Variants in STK10 observed in about 807,000 individuals in gnomAD.
STK10 encodes serine/threonine kinase 10, also known as serine/threonine-protein kinase 10.
In STK10, 78 loss-of-function variants were observed where a neutral mutation model predicts 113.8. That is an observed-to-expected ratio of 0.69 (90% CI 0.57 to 0.83). The LOEUF (loss-of-function observed/expected upper bound fraction) is 0.83, where lower values mean the gene tolerates loss of function less well. STK10 is among the 40% of genes least tolerant of loss of function. The pLI is 0.00. For missense variants in STK10, 1,109 were observed against 1,280.1 expected, an observed-to-expected ratio of 0.87 and a Z score of 2.04; for synonymous variants, 465 against 494.7, an observed-to-expected ratio of 0.94 and a Z score of 0.80.
chr5:172,048,616 C>G (rs555801888), intron 18 of STK10, among the ~76,000 whole-genome samples: 31 of 109,526 alleles, frequency 2.8e-4, no homozygotes, highest in African/African-American at 2.2e-3. Context: ...CTGATACCAT[C>G]CTAGTTCAAG....
intron 4 of STK10, 34 bp downstream of exon 4, chr5:172,117,447 T>C: frequency 6.2e-7 from 1 of 1,605,724 alleles, no homozygotes. Flanking sequence ...GCAGACACCC[T>C]GTGGCTCCAC....
chr5:172,156,838 T>G (rs753041068), intron 1 of STK10, 50 bp from the exon 2 acceptor site: 3 of 1,578,080 alleles, frequency 1.9e-6, no homozygotes, highest in Non-Finnish European at 2.6e-6. Flanking sequence ...CGCAGGAAAC[T>G]GACCTTTGGA....
At chr5:172,121,282 C>T (rs542048540) in intron 3 of STK10, among the ~76,000 whole-genome samples, 2 of 152,054 alleles carry the variant, frequency 1.3e-5, no homozygotes, top group East Asian at 1.9e-4. Flanking sequence ...CCACCCGCCT[C>T]GGCCTCCCAA....
rs186866664 is a variant in STK10, at chr5:172,187,251, G to A, written c.156+636C>T. On this transcript the variant is annotated intron_variant, in intron 1 of 18. Transcript: ENST00000176763. This position sits in a 1 kb window ranked among gnomAD's most constrained non-coding sequence, Gnocchi z 4.6. ...TGGGAGACTCCCCAGCTGTGACTCA[G>A]ACCGACGGAATCAAATCTGTTCCCC... Among the ~76,000 whole-genome samples, 74 of 152,192 alleles carry A rather than the reference G, an allele frequency of 4.9e-4. No homozygotes were observed. The highest frequency in any genetic ancestry group is 9.9e-4 in the Non-Finnish European group (67 of 68,014).
intron 2 of STK10, among the ~76,000 whole-genome samples, chr5:172,142,098 C>A (rs1769984803): frequency 6.6e-6 from 1 of 152,212 alleles, no homozygotes; most frequent in South Asian, 2.1e-4. Context: ...GGATGGTTAT[C>A]TCCACCTGCT....
intron 12 of STK10, 120 bp from the exon 13 acceptor site, chr5:172,064,932 G>T: frequency 1.9e-6 from 2 of 1,077,540 alleles, no homozygotes; most frequent in Non-Finnish European, 2.7e-6. Context: ...GCTTTGCAGC[G>T]GCCAGCACCC....
chr5:172,066,285 A>G (rs1031299920), intron 12 of STK10, among the ~76,000 whole-genome samples: 2 of 152,158 alleles, frequency 1.3e-5, no homozygotes, highest in East Asian at 3.8e-4. Flanking sequence ...AGGGGAGTCA[A>G]AACTTGCAGA....
intron 12 of STK10, among the ~76,000 whole-genome samples, chr5:172,068,078 C>T (rs529779125): frequency 6.6e-5 from 10 of 152,330 alleles, no homozygotes; most frequent in Admixed American, 3.9e-4. Context: ...CGGTGGCTCA[C>T]GCCTGTAATC....
Position 172,120,233 on chromosome 5 carries a change from C to T in STK10, c.371-2603G>A, listed in dbSNP as rs1303238855. On this transcript the variant is annotated intron_variant, in intron 3 of 18. Coordinates refer to ENST00000176763, the MANE Select transcript of STK10 (RefSeq NM_005990.4). This position sits in a 1 kb window ranked among gnomAD's most constrained non-coding sequence, Gnocchi z 4.0. ...GCCTGGTCACCAAAGGGCACTGCTCCGAGTCTTCCCTCTGCCTACAACAGC... is the reference window on the plus strand; with the variant it reads ...GCCTGGTCACCAAAGGGCACTGCTCTGAGTCTTCCCTCTGCCTACAACAGC... 4.6e-5 allele frequency among the ~76,000 whole-genome samples: 7 copies of T among 152,156 alleles called. No homozygotes were observed. Among genetic ancestry groups the T allele is most frequent in the African/African-American group, 7.2e-5 (3 of 41,428 alleles).
At chr5:172,073,297 T>C (rs866762842) in intron 12 of STK10, among the ~76,000 whole-genome samples, 1 of 152,088 alleles carries the variant, frequency 6.6e-6, no homozygotes, top group Non-Finnish European at 1.5e-5. Flanking sequence ...GGATTACAGA[T>C]GCACACCACC....
At chr5:172,159,997 G>A (rs1168833472) in intron 1 of STK10, among the ~76,000 whole-genome samples, 3 of 151,532 alleles carry the variant, frequency 2.0e-5, no homozygotes, top group South Asian at 2.1e-4. Context: ...TTAGCTGGGC[G>A]TGGTGGCAGA....
Position 172,182,550 on chromosome 5 carries a change from A to ATT in STK10, c.156+5335_156+5336dup, listed in dbSNP as rs774193068. On this transcript the variant is annotated intron_variant, in intron 1 of 18. Transcript: ENST00000176763. ...GGGCGCATGTCACCATGCCCAGCTCATTTTTTTTTTTTTTTTTTTTGAGAC... is the reference window on the plus strand; with the variant it reads ...GGGCGCATGTCACCATGCCCAGCTCATTTTTTTTTTTTTTTTTTTTTTGAGAC... Among the ~76,000 whole-genome samples, 458 of 107,474 alleles carry ATT rather than the reference A, an allele frequency of 4.3e-3. 6 individuals carry two copies. The highest frequency in any genetic ancestry group is 0.016 in the African/African-American group (416 of 26,058). The allele number at this position is 107,474 out of a possible 152,430, so 70.5% of individuals were successfully genotyped here.
At chr5:172,088,478 A>T (rs4283806) in intron 10 of STK10, among the ~76,000 whole-genome samples, 1 of 152,012 alleles carries the variant, frequency 6.6e-6, no homozygotes, top group African/African-American at 2.4e-5. Flanking sequence ...GAACCAAGAT[A>T]GCACCACTGC....
In STK10 at chr5:172,187,589, C is replaced by T. The variant is rs1478251124; in HGVS notation, c.156+298G>A. Among the ~76,000 whole-genome samples the T allele has an allele frequency of 6.6e-6, 1 of 152,244 alleles. No homozygotes were observed. Among genetic ancestry groups the T allele is most frequent in the Non-Finnish European group, 1.5e-5 (1 of 68,036 alleles). On this transcript the variant is annotated intron_variant, in intron 1 of 18. Transcript: ENST00000176763. This position sits in a 1 kb window ranked among gnomAD's most constrained non-coding sequence, Gnocchi z 4.6. The stretch of plus-strand genomic sequence containing the variant: ...CGGATGCTGAGGTCCTGTCAACGCC[C>T]CTTTGTCTCCCCGTGCGGCGCCGAG...
intron 1 of STK10, among the ~76,000 whole-genome samples, chr5:172,161,674 C>T (rs1469367713): frequency 6.6e-6 from 1 of 152,174 alleles, no homozygotes; most frequent in African/African-American, 2.4e-5. Flanking sequence ...CTGCATGCAG[C>T]ACTAGGCAGT....
intron 2 of STK10, among the ~76,000 whole-genome samples, chr5:172,139,267 G>T (rs922651035): frequency 6.6e-6 from 1 of 152,050 alleles, no homozygotes; most frequent in Admixed American, 6.6e-5. Context: ...GGTGAAGGTC[G>T]CACACTTCCA....
intron 2 of STK10, among the ~76,000 whole-genome samples, chr5:172,150,955 A>G (rs1375296837): frequency 1.3e-5 from 2 of 152,160 alleles, no homozygotes; most frequent in African/African-American, 4.8e-5. Context: ...GCTGCTCGCG[A>G]CAGACCCCTG....
At chr5:172,171,529 C>A (rs749498649) in intron 1 of STK10, among the ~76,000 whole-genome samples, 1 of 152,016 alleles carries the variant, frequency 6.6e-6, no homozygotes, top group Non-Finnish European at 1.5e-5. Flanking sequence ...GTCTGGCCAA[C>A]AGAGTGAAAC....
At chr5:172,068,167 T>C (rs1194315931) in intron 12 of STK10, among the ~76,000 whole-genome samples, 1 of 152,222 alleles carries the variant, frequency 6.6e-6, no homozygotes, top group African/African-American at 2.4e-5. Flanking sequence ...GGTGAAACCC[T>C]GTCTCTACTA....
Sources: allele counts gnomAD v4.1 joint callset (sites outside exome capture counted in the v4.1 genomes callset), GRCh38; gene constraint gnomAD v4.1.1; non-coding constraint Gnocchi (gnomAD v3.1); transcripts MANE v1.5; gene names NCBI Gene and HGNC (gene_info 2026-07-23, HGNC 2026-07-21).